Variants in MYH13 observed in about 807,000 individuals in gnomAD.
MYH13 encodes myosin heavy chain 13.
Under a neutral mutation model 232.1 loss-of-function variants are expected in MYH13, and 177 were observed. That is an observed-to-expected ratio of 0.76 (90% CI 0.67 to 0.86). The LOEUF (loss-of-function observed/expected upper bound fraction) is 0.86, where lower values mean the gene tolerates loss of function less well. Among genes scored for constraint, MYH13 ranks in the 40% least tolerant of loss-of-function variants. The pLI, the probability that MYH13 is intolerant of heterozygous loss-of-function variation, is 0.00. For missense variants in MYH13, 2,246 were observed against 2,405.9 expected, an observed-to-expected ratio of 0.93 and a Z score of 1.39; for synonymous variants, 884 against 923.5, an observed-to-expected ratio of 0.96 and a Z score of 0.78.
At chr17:10,367,658 A>G (rs1048674828) in intron 2 of MYH13, among the ~76,000 whole-genome samples, 7 of 152,154 alleles carry the variant, frequency 4.6e-5, no homozygotes, top group Admixed American at 1.3e-4. Flanking sequence ...CAACATAAAT[A>G]TTTTAATAAA....
Position 10,357,791 on chromosome 17 carries a change from G to C in MYH13, c.682C>G (p.Leu228Val). 6.2e-7 allele frequency: 1 copy of C among 1,613,988 alleles called. No individual in the cohort carries two copies. Among genetic ancestry groups the C allele is most frequent in the Non-Finnish European group, 8.5e-7 (1 of 1,179,910 alleles). Residue 228 changes from leucine to valine, a missense_variant, in exon 8 of 41, where the codon CTG becomes GTG. Physicochemically the swap from Leu to Val is conservative, Grantham distance 32. Coordinates refer to ENST00000252172, the MANE Select transcript of MYH13 (RefSeq NM_003802.3). ...LEDQIIQANP[L>V]LEAFGNAKTV... is the part of the protein sequence containing the mutation. ...TTGGCATTTCCAAAGGCCTCCAGCA[G>C]TGGGTTGGCCTGGATGATCTGATCC...
Position 10,345,557 on chromosome 17 carries a change from C to T in MYH13, c.1323G>A (p.Met441Ile). Residue 441 changes from methionine to isoleucine, a missense_variant, in exon 14 of 41, where the codon ATG becomes ATA. Coordinates refer to ENST00000252172, the MANE Select transcript of MYH13 (RefSeq NM_003802.3). Reference sequence around the variant, plus strand: ...CCAGCTGCTGGTTGATGCGGGTGACCATCCACAGGAACATCTTCTCGTAGA... The same window carrying T: ...CCAGCTGCTGGTTGATGCGGGTGACTATCCACAGGAACATCTTCTCGTAGA... ...KAVYEKMFLW[M>I]VTRINQQLDT... 6 of 1,614,154 alleles carry T rather than the reference C, an allele frequency of 3.7e-6. No homozygotes were observed. Among genetic ancestry groups the T allele is most frequent in the Non-Finnish European group, 5.1e-6 (6 of 1,180,036 alleles).
At chr17:10,321,186 C>T (rs868454648) in intron 24 of MYH13, among the ~76,000 whole-genome samples, 5 of 152,230 alleles carry the variant, frequency 3.3e-5, no homozygotes, top group South Asian at 2.1e-4. Context: ...TTTTGGAACC[C>T]AAAGGACCTA....
At chr17:10,308,940 A>G (rs1202635908) in intron 35 of MYH13, among the ~76,000 whole-genome samples, 1 of 152,248 alleles carries the variant, frequency 6.6e-6, no homozygotes, top group Non-Finnish European at 1.5e-5. Flanking sequence ...CTTAAATAGT[A>G]CTTCCAGGTG....
chr17:10,313,912 T>C (rs1260318424), intron 29 of MYH13, among the ~76,000 whole-genome samples: 1 of 152,246 alleles, frequency 6.6e-6, no homozygotes, highest in Non-Finnish European at 1.5e-5. Flanking sequence ...TGGGGATTGC[T>C]GATGTGAGCT....
chr17:10,370,743 C>T (rs1295627719), intron 2 of MYH13, among the ~76,000 whole-genome samples: 5 of 152,118 alleles, frequency 3.3e-5, no homozygotes, highest in Admixed American at 6.5e-5. Flanking sequence ...AATAAACACA[C>T]GTTTTAAGGG....
chr17:10,355,653 C>T (rs1165403932), intron 8 of MYH13, among the ~76,000 whole-genome samples: 1 of 152,124 alleles, frequency 6.6e-6, no homozygotes, highest in Non-Finnish European at 1.5e-5. Context: ...TCTACCCAAG[C>T]ACCTGTCCCT....
chr17:10,349,267 TA>T (rs1266583524), intron 12 of MYH13, among the ~76,000 whole-genome samples: 2 of 152,072 alleles, frequency 1.3e-5, no homozygotes, highest in Non-Finnish European at 2.9e-5. Context: ...TATGCCCAGC[TA>T]ATTTGTATTT....
intron 22 of MYH13, 115 bp from the exon 23 acceptor site, chr17:10,324,379 C>G: frequency 8.1e-7 from 1 of 1,231,740 alleles, no homozygotes; most frequent in East Asian, 2.3e-5. Flanking sequence ...ATGGGTCATG[C>G]ACACACATGC....
chr17:10,362,031 C>A (rs958854948), intron 5 of MYH13, 87 bp downstream of exon 5: 1 of 1,608,648 alleles, frequency 6.2e-7, no homozygotes, highest in African/African-American at 1.3e-5. Context: ...TTGATTATTG[C>A]ACCATTCAGA....
At chr17:10,339,176 G>A (rs1053919531) in intron 18 of MYH13, among the ~76,000 whole-genome samples, 1 of 152,132 alleles carries the variant, frequency 6.6e-6, no homozygotes, top group African/African-American at 2.4e-5. Flanking sequence ...CCCGTGTTGG[G>A]CATAGAACAG....
intron 22 of MYH13, among the ~76,000 whole-genome samples, chr17:10,326,015 A>G (rs1305744595): frequency 6.6e-6 from 1 of 152,184 alleles, no homozygotes; most frequent in East Asian, 1.9e-4. Context: ...AGGGTAATGC[A>G]TGGGAGGAGA....
rs774557713 is a variant in MYH13 at position 10,330,447 on chromosome 17, G to A, written c.2375C>T (p.Thr792Met). The A allele has an allele frequency of 6.3e-5, 101 of 1,613,238 alleles. No individual in the cohort carries two copies. In the East Asian group the frequency reaches 1.2e-3, roughly 20 times the overall value. The change falls in exon 21 of 41, where the codon ACG (threonine) becomes ATG (methionine). Residue 792 changes from threonine to methionine, a missense_variant. Transcript: ENST00000252172. Reference protein sequence around the residue: ...DEKLVTLMTSTQAVCRGYLMR... With the variant: ...DEKLVTLMTSMQAVCRGYLMR... ...CAGGTACCCCCTGCACACCGCCTGC[G>A]TGCTTGTCATCAGCGTCACCAGCTT... is the stretch of plus-strand genomic sequence containing the variant.
At chr17:10,339,093 A>G (rs1473924984) in intron 18 of MYH13, among the ~76,000 whole-genome samples, 5 of 151,556 alleles carry the variant, frequency 3.3e-5, no homozygotes, top group African/African-American at 9.7e-5. Context: ...TTCCCCCCCA[A>G]CCCCCCGACA....
At position 10,344,094 on chromosome 17, in the gene MYH13, A is replaced by C. The variant is rs2071641238; in HGVS notation, c.1600T>G (p.Ser534Ala). ...ELIEKPMGIF[S>A]ILEEECMFPK... ...AACATGCACTCCTCTTCCAGGATGG[A>C]GAAGATGCCCATAGGCTGGAAAGAG... The change falls in exon 16 of 41, where the codon TCC (serine) becomes GCC (alanine). Residue 534 changes from serine to alanine, a missense_variant. Ser to Ala is a moderately conservative substitution (Grantham distance 99). Transcript: ENST00000252172. 9.3e-6 allele frequency: 15 copies of C among 1,614,002 alleles called. No homozygotes were observed. The highest frequency in any genetic ancestry group is 1.2e-5 in the Non-Finnish European group (14 of 1,179,892).
chr17:10,348,457 T>A (rs534115139), intron 12 of MYH13, among the ~76,000 whole-genome samples: 1 of 152,376 alleles, frequency 6.6e-6, no homozygotes, highest in East Asian at 1.9e-4. Flanking sequence ...ACTCATGTTA[T>A]ACGGTTGTCG....
chr17:10,325,810 G>T (rs2142239841), intron 22 of MYH13, among the ~76,000 whole-genome samples: 1 of 152,310 alleles, frequency 6.6e-6, no homozygotes, highest in East Asian at 1.9e-4. Context: ...CTGAGTAGCT[G>T]GGACTACAGG....
rs34889608 is a variant in MYH13 at position 10,306,220 on chromosome 17, ATGTGTGTG to A, written c.5466+231_5466+238del. Among the ~76,000 whole-genome samples the A allele has an allele frequency of 0.027, 3,480 of 129,992 alleles. 85 individuals are homozygous for A. The highest frequency in any genetic ancestry group is 0.065 in the African/African-American group (2,236 of 34,546). The allele number at this position is 129,992 out of a possible 152,430, so 85.3% of individuals were successfully genotyped here. A position where few individuals can be genotyped will look rare whatever the true frequency, so the allele number is the denominator to read the frequency against. On this transcript the variant is annotated intron_variant, in intron 37 of 40. Transcript: ENST00000252172. This position sits in a 1 kb window ranked among gnomAD's most constrained non-coding sequence, Gnocchi z 4.3. ...CTGAGGTGTGAGCATACCAAAATAG[ATGTGTGTG>A]TGTGTGTGTGTGTGTGTGTGTGTGT...
rs755542248 is a variant in MYH13 at position 10,328,094 on chromosome 17, G to A, written c.2463C>T (p.Asn821=). ...GCTTGACGTTCATAAAAGAGCGGAT[G>A]TTGTACTGGATGCAGAAGATGGAGT... The part of the protein sequence containing the change: ...RRDSIFCIQY[N]IRSFMNVKHW... Residue 821 remains asparagine (N), a synonymous_variant, in exon 22 of 41, where the codon AAC becomes AAT. Transcript: ENST00000252172. 6 of 1,614,062 alleles carry A rather than the reference G, an allele frequency of 3.7e-6. No individual in the cohort carries two copies. The South Asian group carries it at 5.5e-5, about 15-fold the overall frequency.
Sources: allele counts gnomAD v4.1 joint callset (sites outside exome capture counted in the v4.1 genomes callset), GRCh38; gene constraint gnomAD v4.1.1; non-coding constraint Gnocchi (gnomAD v3.1); transcripts MANE v1.5; gene names NCBI Gene and HGNC (gene_info 2026-07-23, HGNC 2026-07-21).